The following ZNF385D variants were observed in gnomAD, a reference collection of about 807,000 sequenced individuals.
The protein encoded by ZNF385D is zinc finger protein 385D.
A neutral mutation model predicts 35.8 loss-of-function variants in ZNF385D; 15 were observed. The observed-to-expected ratio is 0.42, with a 90% CI of 0.28 to 0.64. ZNF385D has a LOEUF of 0.64. Ranked by LOEUF, ZNF385D falls within the 30% of genes least tolerant of loss-of-function variation. ZNF385D has a pLI of 0.23. For synonymous variants in ZNF385D, 212 were observed against 186.8 expected (o/e 1.13, Z -1.10); for missense variants, 474 against 494.6 (o/e 0.96, Z 0.39).
chr3:21,988,163 T>C (rs1255263269), intron 3 of ZNF385D, among the ~76,000 whole-genome samples: 1 of 132,192 alleles, frequency 7.6e-6, no homozygotes, highest in Non-Finnish European at 1.6e-5. Context: ...CCTTCTTCTC[T>C]CAACTCGTCA....
upstream of ZNF385D, among the ~76,000 whole-genome samples, chr3:21,752,007 A>AACC (rs143047740): frequency 1.1e-5 from 1 of 88,584 alleles, no homozygotes; most frequent in East Asian, 4.2e-4. Context: ...ACACACACCC[A>AACC]CCCCCCTCCC....
At chr3:22,186,058 A>G (rs1240522240) in intron 2 of ZNF385D, among the ~76,000 whole-genome samples, 2 of 152,080 alleles carry the variant, frequency 1.3e-5, no homozygotes, top group Non-Finnish European at 2.9e-5. Context: ...TTCCTGGACA[A>G]ACACTCACAC....
At chr3:22,339,849 C>T (rs905783482) in intron 2 of ZNF385D, among the ~76,000 whole-genome samples, 4 of 152,112 alleles carry the variant, frequency 2.6e-5, no homozygotes, top group Admixed American at 6.6e-5. Flanking sequence ...GATCGACATC[C>T]GCTTTAAAAA....
chr3:21,840,928 C>A (rs1367991484), intron 3 of ZNF385D, among the ~76,000 whole-genome samples: 1 of 151,990 alleles, frequency 6.6e-6, no homozygotes, highest in Non-Finnish European at 1.5e-5. Context: ...CTGAGACCTG[C>A]TCAGGATAAA....
chr3:22,131,958 G>C (rs1427701038), intron 3 of ZNF385D, among the ~76,000 whole-genome samples: 1 of 152,174 alleles, frequency 6.6e-6, no homozygotes, highest in Non-Finnish European at 1.5e-5. Flanking sequence ...ATGGAAGTCT[G>C]AACAAACATA....
chr3:22,207,545 A>G (rs912973308), intron 2 of ZNF385D, among the ~76,000 whole-genome samples: 4 of 152,022 alleles, frequency 2.6e-5, no homozygotes, highest in African/African-American at 9.6e-5. Flanking sequence ...GATTTCTTGA[A>G]TAGTACACAG....
intron 3 of ZNF385D, among the ~76,000 whole-genome samples, chr3:21,879,818 C>T (rs1698183109): frequency 6.6e-6 from 1 of 151,966 alleles, no homozygotes; most frequent in Non-Finnish European, 1.5e-5. Context: ...TTTATAAGGT[C>T]ATCCCTTTAA....
intron 3 of ZNF385D, among the ~76,000 whole-genome samples, chr3:22,009,433 C>T (rs1696426630): frequency 6.6e-6 from 1 of 152,150 alleles, no homozygotes; most frequent in South Asian, 2.1e-4. Flanking sequence ...ACCATCCTGG[C>T]TAACACGGTG....
At chr3:21,995,506 G>T (rs1196709486) in intron 3 of ZNF385D, among the ~76,000 whole-genome samples, 3 of 152,154 alleles carry the variant, frequency 2.0e-5, no homozygotes, top group Non-Finnish European at 4.4e-5. Context: ...CACAGGTGTA[G>T]GTGGCAGTGA....
At chr3:22,006,925 TC>T (rs888307092) in intron 3 of ZNF385D, among the ~76,000 whole-genome samples, 8 of 151,786 alleles carry the variant, frequency 5.3e-5, no homozygotes, top group African/African-American at 1.7e-4. Flanking sequence ...TGGTAAGAAG[TC>T]CTGAGTTTGT....
At chr3:21,988,844 G>A (rs957925246) in intron 3 of ZNF385D, among the ~76,000 whole-genome samples, 1 of 152,284 alleles carries the variant, frequency 6.6e-6, no homozygotes, top group South Asian at 2.1e-4. Context: ...AGGACCCTCC[G>A]AGCCAGGTGT....
intron 2 of ZNF385D, among the ~76,000 whole-genome samples, chr3:21,653,853 C>T (rs2065994814): frequency 6.6e-6 from 1 of 151,962 alleles, no homozygotes; most frequent in Non-Finnish European, 1.5e-5. Flanking sequence ...TAGAAAGTGG[C>T]AGAAAACGCT....
At chr3:22,232,144 C>T (rs373960250) in intron 2 of ZNF385D, among the ~76,000 whole-genome samples, 5 of 150,958 alleles carry the variant, frequency 3.3e-5, no homozygotes, top group East Asian at 2.0e-4. Context: ...CATGCCAAAT[C>T]CCTCACTTTC....
At chr3:21,733,236 T>C (rs751797914) in intron 1 of ZNF385D, among the ~76,000 whole-genome samples, 4 of 152,340 alleles carry the variant, frequency 2.6e-5, no homozygotes, top group Middle Eastern at 3.4e-3. Flanking sequence ...TTCTGTTCTA[T>C]TGACCTATTG....
chr3:22,222,110 G>A (rs190066771), intron 2 of ZNF385D, among the ~76,000 whole-genome samples: 4 of 152,016 alleles, frequency 2.6e-5, no homozygotes, highest in African/African-American at 9.7e-5. Context: ...CCGAGTAGCT[G>A]GGATTACAGG....
intron 3 of ZNF385D, among the ~76,000 whole-genome samples, chr3:22,090,651 A>G (rs1701281287): frequency 6.6e-6 from 1 of 152,174 alleles, no homozygotes; most frequent in Non-Finnish European, 1.5e-5. Flanking sequence ...GTAAATTACA[A>G]CAACAGTGAA....
At chr3:22,336,908 T>TGAAAAAAAAA (rs1559527421) in intron 2 of ZNF385D, among the ~76,000 whole-genome samples, 1 of 1,056 alleles carries the variant, frequency 9.5e-4, no homozygotes, top group South Asian at 0.038. Context: ...CAGTGATTTT[T>TGAAAAAAAAA]CAAAAAAAAA....
intron 2 of ZNF385D, among the ~76,000 whole-genome samples, chr3:22,248,905 C>T (rs1699926155): frequency 6.6e-6 from 1 of 152,124 alleles, no homozygotes; most frequent in African/African-American, 2.4e-5. Flanking sequence ...CTTGAATACT[C>T]CCTTCTCATG....
At chr3:21,793,972 A>T (rs1215944027) in intron 3 of ZNF385D, among the ~76,000 whole-genome samples, 1 of 152,222 alleles carries the variant, frequency 6.6e-6, no homozygotes, top group African/African-American at 2.4e-5. Context: ...ATCAGTTATG[A>T]AAACTAGGCT....
Sources: gnomAD v4.1 joint callset for allele counts (sites outside exome capture counted in the v4.1 genomes callset) on GRCh38, gnomAD v4.1.1 for gene constraint, MANE v1.5 for transcripts, NCBI Gene and HGNC (gene_info 2026-07-23, HGNC 2026-07-21) for gene names.